ARMH3: variants seen among roughly 807,000 people sequenced by gnomAD.
ARMH3 encodes armadillo like helical domain containing 3, also known as armadillo-like helical domain-containing protein 3.
ARMH3 carries 60 observed loss-of-function variants against 99.1 expected under a neutral mutation model. The ratio of observed to expected loss-of-function variants is 0.61; its 90% CI spans 0.49 to 0.75. The LOEUF is 0.75. Ranked by LOEUF, ARMH3 falls within the 30% of genes least tolerant of loss-of-function variation. The pLI is 0.00. For missense variants in ARMH3, 679 were observed against 843.1 expected (o/e 0.81, Z 2.41); for synonymous variants, 285 against 292.8 (o/e 0.97, Z 0.27).
Position 102,007,159 on chromosome 10 carries a change from C to CA in ARMH3, c.955-527dup, listed in dbSNP as rs10639768. On this transcript the variant is annotated intron_variant, in intron 13 of 25. Transcript: ENST00000370033. ...CTGGTGACACAGCAAGACTCTATCTCAAAAAAAAAAAAAAAAAAAGAAAAA... is the reference window on the plus strand; with the variant it reads ...CTGGTGACACAGCAAGACTCTATCTCAAAAAAAAAAAAAAAAAAAAGAAAAA... 0.013 allele frequency among the ~76,000 whole-genome samples: 749 copies of CA among 59,848 alleles called. 38 individuals are homozygous for CA. In the East Asian group the frequency reaches 0.16, roughly 13 times the overall value. The allele number at this position is 59,848 out of a possible 152,430, so 39.3% of individuals were successfully genotyped here.
chr10:102,023,571 A>G lies in ARMH3; in HGVS notation c.583-8T>C. ...TGGGGGATGGGAAAGTATCTGTAAC[A>G]AGAACCAAAAATGCATGAGACTGCT... is the stretch of plus-strand genomic sequence containing the variant. On this transcript the variant is annotated splice_polypyrimidine_tract_variant and splice_region_variant and intron_variant, in intron 7 of 25. Transcript: ENST00000370033. 6.2e-7 allele frequency: 1 copy of G among 1,613,594 alleles called. No homozygotes were observed. Among genetic ancestry groups the G allele is most frequent in the South Asian group, 1.1e-5 (1 of 91,066 alleles).
intron 23 of ARMH3, among the ~76,000 whole-genome samples, chr10:101,927,112 A>G (rs1843538615): frequency 6.6e-6 from 1 of 152,224 alleles, no homozygotes; most frequent in Non-Finnish European, 1.5e-5. Flanking sequence ...AACATATGGT[A>G]GGTCCTGCTA....
At chr10:102,011,992 CT>C (rs940898435) in intron 10 of ARMH3, among the ~76,000 whole-genome samples, 4 of 152,220 alleles carry the variant, frequency 2.6e-5, no homozygotes, top group African/African-American at 9.6e-5. Context: ...TGCCTGGCTA[CT>C]TTGGGAGAGA....
At chr10:101,897,482 A>T (rs1339266526) in intron 23 of ARMH3, among the ~76,000 whole-genome samples, 1 of 152,262 alleles carries the variant, frequency 6.6e-6, no homozygotes, top group Non-Finnish European at 1.5e-5. Context: ...CACTGATGAC[A>T]ATAAAGCTTT....
chr10:102,041,090 A>AATATAT (rs59124276), intron 1 of ARMH3, among the ~76,000 whole-genome samples: 3,551 of 132,512 alleles, frequency 0.027, 77 homozygotes, highest in Non-Finnish European at 0.038. Context: ...ATATATATAT[A>AATATAT]ATATATATAT....
At chr10:102,028,501 T>C (rs1366261797) in intron 5 of ARMH3, among the ~76,000 whole-genome samples, 1 of 152,202 alleles carries the variant, frequency 6.6e-6, no homozygotes, top group Admixed American at 6.5e-5. Context: ...ACCTATCAAC[T>C]GAGGAATGGC....
chr10:101,854,865 T>C (rs1471107341), intron 24 of ARMH3, among the ~76,000 whole-genome samples: 1 of 151,578 alleles, frequency 6.6e-6, no homozygotes, highest in Non-Finnish European at 1.5e-5. Context: ...AGATTAACGA[T>C]TGTACAATGC....
intron 2 of ARMH3, among the ~76,000 whole-genome samples, chr10:102,035,693 C>T (rs886397404): frequency 6.6e-6 from 1 of 152,250 alleles, no homozygotes; most frequent in East Asian, 1.9e-4. Context: ...GACGGAGTCT[C>T]GTTCACTCAG....
chr10:101,889,765 T>C (rs549766751), intron 23 of ARMH3: 12 of 382,246 alleles, frequency 3.1e-5, no homozygotes, highest in East Asian at 4.8e-5. Flanking sequence ...AACAAAAATA[T>C]TGAGTCCTTC....
chr10:101,889,483 T>C lies in ARMH3; in HGVS notation c.1789A>G (p.Ile597Val), dbSNP rs750207474. Reference protein sequence around the residue: ...THALVNIRAIINHFNPKIESY... With the variant: ...THALVNIRAIVNHFNPKIESY... ...TCAATTTTGGGGTTAAAGTGGTTGA[T>C]GATGGCTCTGAAACAAAGAATTCGT... Residue 597 changes from isoleucine to valine, a missense_variant, in exon 24 of 26, where the codon ATC (isoleucine) becomes GTC (valine). Ile to Val is a conservative substitution (Grantham distance 29, BLOSUM62 3). This residue lies in a region of ARMH3 where 389 missense variants were observed against 456.5 expected (regional missense o/e 0.85). Coordinates refer to ENST00000370033, the MANE Select transcript of ARMH3 (RefSeq NM_024541.3). 13 of 1,612,360 alleles carry C rather than the reference T, an allele frequency of 8.1e-6. No individual in the cohort carries two copies. The African/African-American group carries it at 9.3e-5, about 12-fold the overall frequency.
chr10:101,984,741 A>T (rs1846385857), intron 19 of ARMH3, among the ~76,000 whole-genome samples: 1 of 152,108 alleles, frequency 6.6e-6, no homozygotes, highest in South Asian at 2.1e-4. Context: ...AAGCAGAATG[A>T]AAATTTTAAC....
chr10:101,995,376 C>T, intron 15 of ARMH3, 21 bp from the exon 16 acceptor site: 4 of 1,601,864 alleles, frequency 2.5e-6, no homozygotes, highest in Non-Finnish European at 3.4e-6. Context: ...AAAAGAAACT[C>T]TTCTCTGTAA....
At chr10:101,895,832 A>G (rs1379680379) in intron 23 of ARMH3, among the ~76,000 whole-genome samples, 1 of 152,230 alleles carries the variant, frequency 6.6e-6, no homozygotes, top group Non-Finnish European at 1.5e-5. Flanking sequence ...ACAATAAATT[A>G]CACACAAATA....
At chr10:102,009,349 C>A in intron 13 of ARMH3, 25 bp downstream of exon 13, 1 of 1,590,588 alleles carries the variant, frequency 6.3e-7, no homozygotes, top group South Asian at 1.1e-5. Context: ...GAGAAAAAAA[C>A]ACTGGGATTT....
chr10:101,852,276 G>A (rs2066621392), intron 24 of ARMH3, among the ~76,000 whole-genome samples: 1 of 152,246 alleles, frequency 6.6e-6, no homozygotes, highest in African/African-American at 2.4e-5. Flanking sequence ...CAGGCCGCAG[G>A]TAAGGCTGCT....
chr10:101,858,618 C>T (rs1360554605), intron 24 of ARMH3, among the ~76,000 whole-genome samples: 1 of 152,186 alleles, frequency 6.6e-6, no homozygotes, highest in African/African-American at 2.4e-5. Flanking sequence ...CATCTGTCCC[C>T]ACCCTTTCTG....
chr10:101,874,245 TTATTA>T (rs1355641778), intron 24 of ARMH3, among the ~76,000 whole-genome samples: 4 of 152,142 alleles, frequency 2.6e-5, no homozygotes, highest in African/African-American at 9.7e-5. Context: ...TAAACATATT[TTATTA>T]TATGTTAATT....
intron 23 of ARMH3, among the ~76,000 whole-genome samples, chr10:101,938,802 T>C (rs1844111017): frequency 6.6e-6 from 1 of 152,224 alleles, no homozygotes; most frequent in African/African-American, 2.4e-5. Context: ...AAATTGTGTT[T>C]GATGCAAAAT....
intron 2 of ARMH3, among the ~76,000 whole-genome samples, chr10:102,036,596 G>A (rs1300111418): frequency 6.6e-6 from 1 of 152,040 alleles, no homozygotes; most frequent in African/African-American, 2.4e-5. Flanking sequence ...GCTCTCTGGG[G>A]CATGTGCTGT....
Sources: allele counts gnomAD v4.1 joint callset (sites outside exome capture counted in the v4.1 genomes callset), GRCh38; gene constraint gnomAD v4.1.1; regional missense constraint gnomAD v4.1.1; transcripts MANE v1.5; gene names NCBI Gene and HGNC (gene_info 2026-07-23, HGNC 2026-07-21).